The following CDH12 variants were observed in gnomAD, a reference collection of about 807,000 sequenced individuals.
CDH12 encodes the protein cadherin-12.
CDH12 carries 41 observed loss-of-function variants against 74.1 expected under a neutral mutation model. The ratio of observed to expected loss-of-function variants is 0.55; its 90% CI spans 0.43 to 0.72. CDH12 has a LOEUF of 0.72. Ranked by LOEUF, CDH12 falls within the 30% of genes least tolerant of loss-of-function variation. CDH12 has a pLI of 0.00. For missense variants in CDH12, 945 were observed against 977.2 expected, an observed-to-expected ratio of 0.97 and a Z score of 0.44; for synonymous variants, 399 against 355.0, an observed-to-expected ratio of 1.12 and a Z score of -1.39.
At chr5:22,690,921 G>A (rs1298124929) in intron 1 of CDH12, among the ~76,000 whole-genome samples, 1 of 152,078 alleles carries the variant, frequency 6.6e-6, no homozygotes, top group Non-Finnish European at 1.5e-5. Flanking sequence ...GGGACACCAT[G>A]GTTAATGTCT....
chr5:21,932,638 C>T (rs1424678495), intron 6 of CDH12, among the ~76,000 whole-genome samples: 8 of 151,904 alleles, frequency 5.3e-5, no homozygotes, highest in Non-Finnish European at 1.0e-4. Context: ...CGCTGGCGCA[C>T]GCCTGTAATC....
chr5:22,670,835 T>C (rs1397313950), intron 1 of CDH12, among the ~76,000 whole-genome samples: 2 of 152,004 alleles, frequency 1.3e-5, no homozygotes, highest in Non-Finnish European at 2.9e-5. Context: ...AAAATGAAAA[T>C]TGCCAATCTT....
chr5:22,782,784 C>T (rs1747448123), intron 1 of CDH12, among the ~76,000 whole-genome samples: 1 of 152,070 alleles, frequency 6.6e-6, no homozygotes, highest in African/African-American at 2.4e-5. Flanking sequence ...TATGTGGAAA[C>T]CATGCACAGG....
At position 22,607,704 on chromosome 5, in the gene CDH12, G is replaced by GACCT. The variant is rs565586325; in HGVS notation, c.-522-102341_-522-102340insAGGT. Among the ~76,000 whole-genome samples, 551 of 152,296 alleles carry GACCT rather than the reference G, an allele frequency of 3.6e-3. 1 individual carries two copies. Among genetic ancestry groups the GACCT allele is most frequent in the African/African-American group, 0.01 (424 of 41,578 alleles). On this transcript the variant is annotated intron_variant, in intron 1 of 14. Transcript: ENST00000382254. ...CCTAGGAGGGAAAAATGGTTTCATG[G>GACCT]GCTGGGCCCAGGACCTTCTGCTGTG...
rs188935032 is a variant in CDH12 at position 22,230,548 on chromosome 5, G to A, written c.-332-17905C>T. Among the ~76,000 whole-genome samples the A allele has an allele frequency of 5.9e-3, 875 of 149,120 alleles. 29 individuals carry two copies. Among genetic ancestry groups the A allele is most frequent in the East Asian group, 6.3e-3 (32 of 5,040 alleles). Reference sequence around the variant, plus strand: ...GTGCAGTGGCATGATCTTGACTCACGGCAACCTCCACCTCCCGGTTTAAGC... The same window carrying A: ...GTGCAGTGGCATGATCTTGACTCACAGCAACCTCCACCTCCCGGTTTAAGC... On this transcript the variant is annotated intron_variant, in intron 3 of 14. Coordinates refer to ENST00000382254, the MANE Select transcript of CDH12 (RefSeq NM_004061.5).
At chr5:22,474,025 G>A (rs1746070270) in intron 2 of CDH12, among the ~76,000 whole-genome samples, 1 of 152,064 alleles carries the variant, frequency 6.6e-6, no homozygotes, top group African/African-American at 2.4e-5. Context: ...ACATGATGAA[G>A]CAAAAGCTCA....
intron 6 of CDH12, among the ~76,000 whole-genome samples, chr5:21,889,011 G>T (rs934158795): frequency 6.6e-6 from 1 of 151,914 alleles, no homozygotes; most frequent in African/African-American, 2.4e-5. Context: ...TCTAAAGAAA[G>T]ACTAAATACT....
intron 4 of CDH12, among the ~76,000 whole-genome samples, chr5:22,180,494 T>TA (rs762423936): frequency 2.6e-3 from 396 of 151,508 alleles, no homozygotes; most frequent in African/African-American, 8.8e-3. Context: ...TTTGATTTTT[T>TA]TTTGTTTATT....
chr5:22,610,877 A>C (rs1389445661), intron 1 of CDH12, among the ~76,000 whole-genome samples: 1 of 152,118 alleles, frequency 6.6e-6, no homozygotes, highest in East Asian at 1.9e-4. Flanking sequence ...ATATCATATT[A>C]ATATTACAAT....
At chr5:22,283,605 G>T (rs1266706799) in intron 3 of CDH12, among the ~76,000 whole-genome samples, 1 of 151,906 alleles carries the variant, frequency 6.6e-6, no homozygotes, top group Non-Finnish European at 1.5e-5. Context: ...GCTGGGAGCT[G>T]AAGGAAGGCA....
At chr5:22,641,373 G>A (rs1172693360) in intron 1 of CDH12, among the ~76,000 whole-genome samples, 1 of 152,144 alleles carries the variant, frequency 6.6e-6, no homozygotes, top group East Asian at 1.9e-4. Flanking sequence ...CCAATAGAGA[G>A]AGAGGAAATC....
chr5:22,212,047 A>G (rs1347760595), intron 4 of CDH12, among the ~76,000 whole-genome samples: 1 of 150,968 alleles, frequency 6.6e-6, no homozygotes, highest in East Asian at 2.0e-4. Flanking sequence ...TCCTTAAACC[A>G]AAAGGGAGCT....
chr5:22,553,500 A>G (rs1218996257), intron 1 of CDH12, among the ~76,000 whole-genome samples: 2 of 152,170 alleles, frequency 1.3e-5, no homozygotes, highest in Admixed American at 6.6e-5. Flanking sequence ...GGAATTTGAA[A>G]TTAAAGAAAC....
At chr5:21,912,428 T>C (rs1753897919) in intron 6 of CDH12, among the ~76,000 whole-genome samples, 1 of 152,112 alleles carries the variant, frequency 6.6e-6, no homozygotes, top group African/African-American at 2.4e-5. Context: ...ACTCCTGCTT[T>C]CTTGGGAGAG....
chr5:21,786,276 C>T (rs1175421751), intron 10 of CDH12, among the ~76,000 whole-genome samples: 1 of 152,160 alleles, frequency 6.6e-6, no homozygotes, highest in African/African-American at 2.4e-5. Context: ...GCCTCAGCCT[C>T]CTCAGTAGCT....
intron 6 of CDH12, among the ~76,000 whole-genome samples, chr5:21,934,646 T>C (rs528286300): frequency 6.6e-6 from 1 of 152,306 alleles, no homozygotes; most frequent in East Asian, 1.9e-4. Flanking sequence ...TATGCATGTG[T>C]TGGTGTCTGT....
At position 22,455,305 on chromosome 5, in the gene CDH12, A is replaced by G. The variant is rs183170243; in HGVS notation, c.-427-49954T>C. Among the ~76,000 whole-genome samples the G allele has an allele frequency of 5.3e-5, 8 of 152,368 alleles. No homozygotes were observed. In the East Asian group the frequency reaches 1.4e-3, roughly 26 times the overall value. Reference sequence around the variant, plus strand: ...CATTTACAGTCTTTGATAAAAATAAAACATCTGGATAACTGGAGAAATCAA... The same window carrying G: ...CATTTACAGTCTTTGATAAAAATAAGACATCTGGATAACTGGAGAAATCAA... On this transcript the variant is annotated intron_variant, in intron 2 of 14. Transcript: ENST00000382254.
At chr5:22,044,267 T>C (rs548106941) in intron 5 of CDH12, among the ~76,000 whole-genome samples, 11 of 152,242 alleles carry the variant, frequency 7.2e-5, no homozygotes, top group African/African-American at 2.6e-4. Flanking sequence ...AATGTATTAG[T>C]CCATTTTCAC....
intron 6 of CDH12, among the ~76,000 whole-genome samples, chr5:21,903,169 G>A (rs1362394489): frequency 6.6e-6 from 1 of 151,850 alleles, no homozygotes; most frequent in African/African-American, 2.4e-5. Flanking sequence ...AAACAATAAC[G>A]ACAACATTTT....
Sources: gnomAD v4.1 joint callset for allele counts (sites outside exome capture counted in the v4.1 genomes callset) on GRCh38, gnomAD v4.1.1 for gene constraint, MANE v1.5 for transcripts, NCBI Gene and HGNC (gene_info 2026-07-23, HGNC 2026-07-21) for gene names.